Variants in ATG10 observed in about 807,000 individuals in gnomAD.
ATG10 encodes the protein autophagy related 10, also known as ubiquitin-like-conjugating enzyme ATG10.
In ATG10, 30 loss-of-function variants were observed where a neutral mutation model predicts 32.1. The ratio of observed to expected loss-of-function variants is 0.94; its 90% CI spans 0.70 to 1.27. The LOEUF (loss-of-function observed/expected upper bound fraction) is 1.27, where lower values mean the gene tolerates loss of function less well. ATG10 is among the 50% of genes most tolerant of loss of function. The pLI, the probability that ATG10 is intolerant of heterozygous loss-of-function variation, is 0.00. For missense variants in ATG10, 233 were observed against 262.3 expected (o/e 0.89, Z 0.77); for synonymous variants, 87 against 91.5 (o/e 0.95, Z 0.28).
chr5:82,166,725 T>G (rs1385201585), intron 4 of ATG10, among the ~76,000 whole-genome samples: 1 of 152,162 alleles, frequency 6.6e-6, no homozygotes, highest in African/African-American at 2.4e-5. Context: ...ATTCCTAATG[T>G]CTTCCTCTTA....
At chr5:82,164,826 G>A (rs1743513152) in intron 4 of ATG10, among the ~76,000 whole-genome samples, 1 of 152,072 alleles carries the variant, frequency 6.6e-6, no homozygotes, top group South Asian at 2.1e-4. Context: ...TAAACAAGTA[G>A]GAACAACTTA....
chr5:82,147,926 T>C (rs1767432509), intron 3 of ATG10: 1 of 152,286 alleles, frequency 6.6e-6, no homozygotes, highest in Admixed American at 6.5e-5. Flanking sequence ...TTGACTCCTC[T>C]TCAAAATCTA....
intron 3 of ATG10, among the ~76,000 whole-genome samples, chr5:82,064,239 A>C (rs1342720557): frequency 6.6e-6 from 1 of 152,218 alleles, no homozygotes; most frequent in East Asian, 1.9e-4. Context: ...TCTGCACTGA[A>C]GAGTGATAAA....
At chr5:82,056,511 A>G (rs1436421701) in intron 2 of ATG10, among the ~76,000 whole-genome samples, 1 of 151,406 alleles carries the variant, frequency 6.6e-6, no homozygotes, top group African/African-American at 2.4e-5. Context: ...ACCCCCCAAA[A>G]CCAAATCCTG....
At chr5:82,036,588 C>A (rs1762932251) in intron 2 of ATG10, among the ~76,000 whole-genome samples, 1 of 152,008 alleles carries the variant, frequency 6.6e-6, no homozygotes, top group East Asian at 1.9e-4. Flanking sequence ...GAGTCAGACT[C>A]CATTTCAAAA....
chr5:82,148,694 T>C (rs901807985), intron 3 of ATG10, among the ~76,000 whole-genome samples: 2 of 152,218 alleles, frequency 1.3e-5, no homozygotes, highest in Non-Finnish European at 2.9e-5. Context: ...CTGCATTTTC[T>C]TCCAATATGC....
In ATG10 at chr5:82,230,471, C is replaced by T. The variant is rs1040366611; in HGVS notation, c.454-22091C>T. On this transcript the variant is annotated intron_variant, in intron 5 of 7. Transcript: ENST00000282185. The stretch of plus-strand genomic sequence containing the variant: ...TAAACTGGCTGGGCACGGTGGCTCA[C>T]GCCTGTAATCCCAGCACTTTGGGAT... Among the ~76,000 whole-genome samples the T allele has an allele frequency of 4.6e-5, 7 of 152,030 alleles. No homozygotes were observed. The South Asian group carries it at 6.2e-4, about 13-fold the overall frequency.
At chr5:82,115,282 A>G (rs983932903) in intron 3 of ATG10, among the ~76,000 whole-genome samples, 1 of 152,068 alleles carries the variant, frequency 6.6e-6, no homozygotes, top group Non-Finnish European at 1.5e-5. Context: ...GTTAGGTGTG[A>G]TATCAATAGA....
chr5:82,171,797 C>A (rs1219530113), intron 4 of ATG10, among the ~76,000 whole-genome samples: 2 of 152,116 alleles, frequency 1.3e-5, no homozygotes, highest in Non-Finnish European at 2.9e-5. Flanking sequence ...GCTAATTACT[C>A]TAGAAATAAT....
intron 1 of ATG10, among the ~76,000 whole-genome samples, chr5:81,982,556 T>TC (rs768127191): frequency 4.0e-5 from 6 of 151,340 alleles, no homozygotes; most frequent in Non-Finnish European, 8.9e-5. Context: ...TTTTTTTTTT[T>TC]CCCCTTTTAT....
intron 3 of ATG10, among the ~76,000 whole-genome samples, chr5:82,143,103 A>T (rs1250081392): frequency 2.6e-5 from 4 of 152,254 alleles, no homozygotes; most frequent in African/African-American, 9.6e-5. Flanking sequence ...TTAGAGTCAT[A>T]GAAGTGAATG....
chr5:82,139,844 G>A (rs1452178777), intron 3 of ATG10, among the ~76,000 whole-genome samples: 2 of 144,472 alleles, frequency 1.4e-5, no homozygotes, highest in South Asian at 2.3e-4. Context: ...GGAGATGGGG[G>A]GGTCAGCCCC....
chr5:82,150,389 T>C (rs1767544681), intron 3 of ATG10, among the ~76,000 whole-genome samples: 1 of 152,224 alleles, frequency 6.6e-6, no homozygotes, highest in South Asian at 2.1e-4. Context: ...AAAATTAGCA[T>C]TTTTCTTCCC....
At chr5:82,152,064 TTCAA>T (rs771526050) in intron 3 of ATG10, among the ~76,000 whole-genome samples, 3 of 152,238 alleles carry the variant, frequency 2.0e-5, no homozygotes, top group Non-Finnish European at 2.9e-5. Context: ...AAATTACATA[TTCAA>T]TCAAATTGCT....
At chr5:82,141,601 A>G (rs1178122228) in intron 3 of ATG10, among the ~76,000 whole-genome samples, 1 of 152,174 alleles carries the variant, frequency 6.6e-6, no homozygotes, top group Non-Finnish European at 1.5e-5. Flanking sequence ...AAAATAAGCT[A>G]AACTGGGCAA....
chr5:82,175,898 C>T (rs1288045898), intron 4 of ATG10, among the ~76,000 whole-genome samples: 1 of 134,004 alleles, frequency 7.5e-6, no homozygotes, highest in East Asian at 2.0e-4. Context: ...CACACACACA[C>T]ACACACACAC....
At chr5:82,078,904 C>T (rs970871933) in intron 3 of ATG10, among the ~76,000 whole-genome samples, 1 of 152,150 alleles carries the variant, frequency 6.6e-6, no homozygotes, top group Non-Finnish European at 1.5e-5. Context: ...CCCCCCTCTA[C>T]CAAGGAGCTG....
intron 1 of ATG10, among the ~76,000 whole-genome samples, chr5:81,977,452 ACTT>A (rs757958962): frequency 1.3e-5 from 2 of 152,070 alleles, no homozygotes; most frequent in Non-Finnish European, 2.9e-5. Context: ...GCAAACTCTA[ACTT>A]CTTTTTAACA....
At chr5:82,135,978 CT>C (rs1422049765) in intron 3 of ATG10, among the ~76,000 whole-genome samples, 1 of 152,046 alleles carries the variant, frequency 6.6e-6, no homozygotes, top group African/African-American at 2.4e-5. Context: ...ATGTAATGCC[CT>C]TCTTTGTCCT....
Sources: gnomAD v4.1 joint callset for allele counts (sites outside exome capture counted in the v4.1 genomes callset) on GRCh38, gnomAD v4.1.1 for gene constraint, MANE v1.5 for transcripts, NCBI Gene and HGNC (gene_info 2026-07-23, HGNC 2026-07-21) for gene names.